Variants in UNC13C observed in about 807,000 individuals in gnomAD.
UNC13C encodes the protein protein unc-13 homolog C.
Under a neutral mutation model 245.4 loss-of-function variants are expected in UNC13C, and 174 were observed. The observed-to-expected ratio is 0.71, with a 90% CI of 0.63 to 0.80. UNC13C has a LOEUF of 0.80. UNC13C is among the 30% of genes least tolerant of loss of function. The probability of loss-of-function intolerance (pLI) is 0.00; values close to 1 mark genes in which losing one functional copy is unlikely to be tolerated. For missense variants in UNC13C, 2,829 were observed against 2,602.9 expected, an observed-to-expected ratio of 1.09 and a Z score of -1.89; for synonymous variants, 992 against 895.1, an observed-to-expected ratio of 1.11 and a Z score of -1.93.
At chr15:54,419,527 T>C (rs2040593939) in intron 19 of UNC13C, among the ~76,000 whole-genome samples, 1 of 152,160 alleles carries the variant, frequency 6.6e-6, no homozygotes, top group South Asian at 2.1e-4. Context: ...CCCACTGAGC[T>C]GGTATTAGAA....
intron 30 of UNC13C, among the ~76,000 whole-genome samples, chr15:54,582,673 G>A (rs1397640456): frequency 1.3e-5 from 2 of 152,140 alleles, no homozygotes; most frequent in African/African-American, 4.8e-5. Context: ...GAAGGGACGT[G>A]TTTGCAAGTC....
the UNC13C span, chr15:53,913,116 T>A: frequency 6.6e-6 from 1 of 152,224 alleles, no homozygotes; most frequent in Non-Finnish European, 1.5e-5. Flanking sequence ...AGCCCCACCA[T>A]ATGTCATGGT....
chr15:54,153,170 T>G (rs1328712710), intron 4 of UNC13C, among the ~76,000 whole-genome samples: 1 of 152,142 alleles, frequency 6.6e-6, no homozygotes, highest in African/African-American at 2.4e-5. Flanking sequence ...GTAATCCATA[T>G]TTTCAGATAT....
At chr15:54,380,949 C>G (rs2039711160) in intron 17 of UNC13C, among the ~76,000 whole-genome samples, 1 of 152,062 alleles carries the variant, frequency 6.6e-6, no homozygotes, top group South Asian at 2.1e-4. Flanking sequence ...TACAAAAGAA[C>G]AAAGTTTTTG....
chr15:54,363,363 C>A (rs930798373), intron 17 of UNC13C, among the ~76,000 whole-genome samples: 2 of 152,198 alleles, frequency 1.3e-5, no homozygotes, highest in Non-Finnish European at 2.9e-5. Context: ...CCCACCTCAG[C>A]CTCCCAAAGT....
At chr15:54,374,608 G>C (rs574404582) in intron 17 of UNC13C, among the ~76,000 whole-genome samples, 17 of 152,346 alleles carry the variant, frequency 1.1e-4, no homozygotes, top group African/African-American at 4.1e-4. Context: ...CTGAAGAAGG[G>C]AGGCATTTCT....
At position 54,250,349 on chromosome 15, in the gene UNC13C, T is replaced by C; in HGVS notation, c.3353T>C (p.Leu1118Pro). Residue 1118 changes from leucine to proline, a missense_variant, in exon 8 of 33, where the codon CTG becomes CCG. Leu to Pro is a moderately conservative substitution (Grantham distance 98). Transcript: ENST00000260323. ...PTYCYECEGL[L>P]WGIARQGMKC... ...TACTGTTATGAGTGTGAAGGGCTCC[T>C]GTGGGGCATTGCAAGGCAAGGCATG... is the stretch of plus-strand genomic sequence containing the variant. 6.2e-7 allele frequency: 1 copy of C among 1,613,914 alleles called. No homozygotes were observed. The highest frequency in any genetic ancestry group is 8.5e-7 in the Non-Finnish European group (1 of 1,179,862).
chr15:54,100,040 C>T (rs1368486575), intron 2 of UNC13C, among the ~76,000 whole-genome samples: 1 of 143,510 alleles, frequency 7.0e-6, no homozygotes, highest in Non-Finnish European at 1.5e-5. Context: ...GCAGAGGTTG[C>T]AGTCAGCAAA....
chr15:54,015,882 T>C lies in UNC13C; in HGVS notation c.2979T>C (p.Ala993=). 6.3e-7 allele frequency: 1 copy of C among 1,576,956 alleles called. No individual in the cohort carries two copies. Among genetic ancestry groups the C allele is most frequent in the African/African-American group, 1.4e-5 (1 of 73,414 alleles). ...CAGAGTTGGAAGAGAAGATCTTGGCTGGAGGTATTCATGTTTAAATGCTAC... is the reference window on the plus strand; with the variant it reads ...CAGAGTTGGAAGAGAAGATCTTGGCCGGAGGTATTCATGTTTAAATGCTAC... ...QMAELEEKIL[A]GDSSSVDEKA... Residue 993 remains alanine, a synonymous_variant, in exon 2 of 33, where the codon GCT becomes GCC. Coordinates refer to ENST00000260323, the MANE Select transcript of UNC13C (RefSeq NM_001080534.3).
intron 17 of UNC13C, among the ~76,000 whole-genome samples, chr15:54,359,968 T>A (rs1440550417): frequency 6.6e-6 from 1 of 152,012 alleles, no homozygotes; most frequent in African/African-American, 2.4e-5. Context: ...ATAACTTCCC[T>A]CTTAAAACTG....
intron 2 of UNC13C, among the ~76,000 whole-genome samples, chr15:54,039,998 C>A (rs1252223806): frequency 6.6e-6 from 1 of 152,064 alleles, no homozygotes; most frequent in Non-Finnish European, 1.5e-5. Context: ...CTCCCCCACC[C>A]CACCCCCATT....
the UNC13C span, among the ~76,000 whole-genome samples, chr15:53,897,886 G>A: frequency 2.6e-5 from 4 of 152,126 alleles, no homozygotes; most frequent in African/African-American, 9.7e-5. Flanking sequence ...TTCATTTTCT[G>A]TCTAACCCCT....
chr15:54,068,128 G>A (rs1898154429), intron 2 of UNC13C, among the ~76,000 whole-genome samples: 1 of 152,174 alleles, frequency 6.6e-6, no homozygotes, highest in Admixed American at 6.5e-5. Context: ...CCTGTAGTCA[G>A]TGTTAAGGAA....
At chr15:54,322,465 A>G (rs1596217517) in intron 14 of UNC13C, among the ~76,000 whole-genome samples, 1 of 152,000 alleles carries the variant, frequency 6.6e-6, no homozygotes, top group African/African-American at 2.4e-5. Flanking sequence ...CTTGGCTGCC[A>G]TCTCTGGAAC....
chr15:53,979,383 G>A (rs1212157699), intron 1 of UNC13C, among the ~76,000 whole-genome samples: 2 of 152,198 alleles, frequency 1.3e-5, no homozygotes, highest in African/African-American at 4.8e-5. Context: ...CCAGTCTGAA[G>A]CAAAAGAAGC....
chr15:54,412,575 T>G (rs1212211753), intron 18 of UNC13C, among the ~76,000 whole-genome samples: 2 of 152,244 alleles, frequency 1.3e-5, no homozygotes, highest in Non-Finnish European at 2.9e-5. Context: ...GATACTATTA[T>G]TTTAATTTGA....
the UNC13C span, among the ~76,000 whole-genome samples, chr15:53,902,301 A>C: frequency 9.2e-5 from 14 of 152,168 alleles, no homozygotes; most frequent in African/African-American, 3.4e-4. Flanking sequence ...TCCTAGATAC[A>C]GGAGACAGAC....
chr15:54,481,085 T>C (rs1893079994), intron 19 of UNC13C, among the ~76,000 whole-genome samples: 1 of 152,166 alleles, frequency 6.6e-6, no homozygotes, highest in Non-Finnish European at 1.5e-5. Context: ...GGCATAGTAG[T>C]GTGTTCTCTG....
intron 4 of UNC13C, among the ~76,000 whole-genome samples, chr15:54,207,359 T>A (rs145167801): frequency 6.6e-6 from 1 of 152,020 alleles, no homozygotes; most frequent in Non-Finnish European, 1.5e-5. Context: ...ATATTATAAT[T>A]TTCTTATTTT....
Sources: allele counts gnomAD v4.1 joint callset (sites outside exome capture counted in the v4.1 genomes callset), GRCh38; gene constraint gnomAD v4.1.1; transcripts MANE v1.5; gene names NCBI Gene and HGNC (gene_info 2026-07-23, HGNC 2026-07-21).